DMWD: variants seen among roughly 807,000 people sequenced by gnomAD.
DMWD encodes DM1 locus, WD repeat containing.
In DMWD, 19 loss-of-function variants were observed where a neutral mutation model predicts 45.8. The ratio of observed to expected loss-of-function variants is 0.41; its 90% confidence interval spans 0.29 to 0.61. DMWD has a LOEUF of 0.61. Ranked by LOEUF, DMWD falls within the 20% of genes least tolerant of loss-of-function variation. The pLI is 0.25. For synonymous variants in DMWD, 515 were observed against 440.5 expected (o/e 1.17, Z -2.12); for missense variants, 802 against 965.2 (o/e 0.83, Z 2.24).
chr19:45,784,700 TCTC>T lies in DMWD; in HGVS notation c.1915_1917del (p.Glu639del). The T allele has an allele frequency of 2.5e-6, 4 of 1,613,618 alleles. No homozygotes were observed. In the South Asian group the frequency reaches 3.3e-5, roughly 13 times the overall value. Reference sequence around the variant, plus strand: ...CTTCCTTCCCCTGTCTGGGCCTCGGTCTCCTCGTCTGTGAACTACGGAGACAGA... The same window carrying T: ...CTTCCTTCCCCTGTCTGGGCCTCGGTCTCGTCTGTGAACTACGGAGACAGA... On this transcript the variant is annotated inframe_deletion, in exon 4 of 5. Coordinates refer to ENST00000270223, the MANE Select transcript of DMWD (RefSeq NM_004943.2).
In DMWD at chr19:45,786,421, G is replaced by A. The variant is rs755365606; in HGVS notation, c.1075C>T (p.Arg359Cys). The change falls in exon 3 of 5, where the codon CGC (arginine) becomes TGC (cysteine). Residue 359 changes from arginine to cysteine, a missense_variant. Coordinates refer to ENST00000270223, the MANE Select transcript of DMWD (RefSeq NM_004943.2). ...LVTVWSFTEGRVVARGHGHKS... is the reference protein window; with the variant it reads ...LVTVWSFTEGCVVARGHGHKS... ...TGGCCATGGCCTCGAGCCACCACGC[G>A]GCCCTCGGTGAAGGACCACACGGTG... The A allele has an allele frequency of 6.8e-6, 11 of 1,613,356 alleles. No homozygotes were observed. Among genetic ancestry groups the A allele is most frequent in the Admixed American group, 5.0e-5 (3 of 60,018 alleles).
At chr19:45,785,394 C>G (rs1223053622) in intron 3 of DMWD, 200 bp downstream of exon 3, 2 of 1,255,522 alleles carry the variant, frequency 1.6e-6, no homozygotes. Flanking sequence ...CCTCTTTCTG[C>G]TGCCTGCTGC....
intron 3 of DMWD, 68 bp from the exon 4 acceptor site, chr19:45,784,783 G>A: frequency 6.3e-7 from 1 of 1,576,438 alleles, no homozygotes; most frequent in Non-Finnish European, 8.6e-7. Flanking sequence ...TCTTGCCTCT[G>A]AGTCACTCAG....
chr19:45,783,563 G>GTT lies in DMWD; in HGVS notation c.*679_*680insAA, dbSNP rs1970214105. 7.5e-6 allele frequency: 3 copies of GTT among 398,796 alleles called. No individual in the cohort carries two copies. Among genetic ancestry groups the GTT allele is most frequent in the African/African-American group, 6.2e-5 (3 of 48,738 alleles). The allele number at this position is 398,796 out of a possible 1,614,324, so 24.7% of individuals were successfully genotyped here. ...TGGGTCACCAGTTGTGTGACTCGCAGGTCCGTTCCCTCCCTGGGCTCCGGC... is the reference window on the plus strand; with the variant it reads ...TGGGTCACCAGTTGTGTGACTCGCAGTTGTCCGTTCCCTCCCTGGGCTCCGGC... On this transcript the variant is annotated 3_prime_UTR_variant, in exon 5 of 5. Coordinates refer to ENST00000270223, the MANE Select transcript of DMWD (RefSeq NM_004943.2).
At position 45,784,238 on chromosome 19, in the gene DMWD, T is replaced by C. The variant is rs201600475; in HGVS notation, c.*5A>G. 4.5e-6 allele frequency: 7 copies of C among 1,555,980 alleles called. No individual in the cohort carries two copies. The highest frequency in any genetic ancestry group is 2.0e-5 in the Admixed American group (1 of 50,252). On this transcript the variant is annotated 3_prime_UTR_variant, in exon 5 of 5. Transcript: ENST00000270223. ...TGGGGTTGGGGGGGCCCGATATCCA[T>C]GGCTTCACACCACTGTGCCACTCGG...
intron 1 of DMWD, 147 bp downstream of exon 1, chr19:45,792,169 T>G: frequency 7.4e-7 from 1 of 1,350,544 alleles, no homozygotes; most frequent in Non-Finnish European, 9.6e-7. Context: ...CAGAATCCTG[T>G]ACTCCCTCCA....
At chr19:45,788,028 G>A (rs375890319) in intron 2 of DMWD, among the ~76,000 whole-genome samples, 1 of 152,230 alleles carries the variant, frequency 6.6e-6, no homozygotes, top group East Asian at 1.9e-4. Flanking sequence ...AGTGAGGGGA[G>A]ATCATGCCAC....
intron 2 of DMWD, chr19:45,787,214 G>A (rs982739491): frequency 1.1e-5 from 4 of 360,788 alleles, no homozygotes; most frequent in African/African-American, 2.1e-5. Flanking sequence ...GTAGTGGTCC[G>A]TGGCCTGTTA....
At chr19:45,791,826 C>T (rs1433607102) in intron 1 of DMWD, among the ~76,000 whole-genome samples, 2 of 152,108 alleles carry the variant, frequency 1.3e-5, no homozygotes, top group Non-Finnish European at 2.9e-5. Context: ...TCTAGAATCC[C>T]ATTCAGCTTC....
chr19:45,792,272 T>G (rs1179032917), intron 1 of DMWD, 44 bp downstream of exon 1: 1 of 1,583,186 alleles, frequency 6.3e-7, no homozygotes, highest in Non-Finnish European at 8.6e-7. Context: ...CTCTGGAACC[T>G]CCATCCTTTC....
Position 45,786,728 on chromosome 19 carries a change from C to T in DMWD, c.768G>A (p.Leu256=). Residue 256 remains leucine, a synonymous_variant, in exon 3 of 5, where the codon CTG becomes CTA. Coordinates refer to ENST00000270223, the MANE Select transcript of DMWD (RefSeq NM_004943.2). The stretch of plus-strand genomic sequence containing the variant: ...CAGAGAAGCCCTCGCCCTGCTTCAG[C>T]AGGCTGTACTGGGGCGGGGCCGAGG... The part of the protein sequence containing the change: ...PCASAPPQYS[L]LKQGEGFSVY... The T allele has an allele frequency of 6.2e-7, 1 of 1,613,406 alleles. No homozygotes were observed.
At position 45,792,388 on chromosome 19, in the gene DMWD, T is replaced by G; in HGVS notation, c.369A>C (p.Gly123=). 6.3e-7 allele frequency: 1 copy of G among 1,597,882 alleles called. No individual in the cohort carries two copies. The highest frequency in any genetic ancestry group is 1.4e-5 in the African/African-American group (1 of 72,914). The part of the protein sequence containing the change: ...PATPAGLGSG[G]DRVCFNLGRE... Reference sequence around the variant, plus strand: ...GGCCCAAGTTGAAGCAGACGCGGTCTCCCCCCGAGCCCAGCCCCGCGGGCG... The same window carrying G: ...GGCCCAAGTTGAAGCAGACGCGGTCGCCCCCCGAGCCCAGCCCCGCGGGCG... Residue 123 remains glycine, a synonymous_variant, in exon 1 of 5, where the codon GGA becomes GGC. Transcript: ENST00000270223.
chr19:45,784,136 A>T lies in DMWD; in HGVS notation c.*107T>A. The stretch of plus-strand genomic sequence containing the variant: ...GCAGGTGGGGGGACTGGAGCAGTCC[A>T]TCCATCATGGTTAGTCTTGTTAATA... On this transcript the variant is annotated 3_prime_UTR_variant, in exon 5 of 5. Coordinates refer to ENST00000270223, the MANE Select transcript of DMWD (RefSeq NM_004943.2). 1 of 1,031,266 alleles carries T rather than the reference A, an allele frequency of 9.7e-7. No individual in the cohort carries two copies. Among genetic ancestry groups the T allele is most frequent in the Non-Finnish European group, 1.5e-6 (1 of 668,710 alleles). 63.9% of individuals were successfully genotyped at this position (1,031,266 alleles called of 1,614,324 possible). A position where few individuals can be genotyped will look rare whatever the true frequency, so the allele number is the denominator to read the frequency against.
At chr19:45,785,218 C>T in intron 3 of DMWD, 1 of 1,033,058 alleles carries the variant, frequency 9.7e-7, no homozygotes, top group Non-Finnish European at 1.2e-6. Flanking sequence ...CTAGTTTTGG[C>T]CTGAAGTACT....
At chr19:45,787,250 G>A (rs1390932909) in intron 2 of DMWD, 1 of 299,054 alleles carries the variant, frequency 3.3e-6, no homozygotes, top group African/African-American at 2.2e-5. Flanking sequence ...AGCAGGAGGT[G>A]AGTGGTGGGC....
intron 2 of DMWD, among the ~76,000 whole-genome samples, chr19:45,787,632 A>G (rs888247032): frequency 6.6e-6 from 1 of 152,252 alleles, no homozygotes; most frequent in African/African-American, 2.4e-5. Context: ...CAGTGCACAC[A>G]GGAGGCAGCT....
Position 45,786,453 on chromosome 19 carries a change from T to A in DMWD, c.1043A>T (p.Asp348Val). 1 of 1,612,996 alleles carries A rather than the reference T, an allele frequency of 6.2e-7. No individual in the cohort carries two copies. Among genetic ancestry groups the A allele is most frequent in the Non-Finnish European group, 8.5e-7 (1 of 1,179,258 alleles). The change falls in exon 3 of 5, where the codon GAC becomes GTC. Residue 348 changes from aspartate to valine, a missense_variant. By Grantham distance (152) the Asp-to-Val change is radical. This residue lies in a region of DMWD where 146 missense variants were observed against 212.8 expected (regional missense o/e 0.69). Transcript: ENST00000270223. ...GRYVVTGGED[D>V]LVTVWSFTEG... ...GGTGAAGGACCACACGGTGACCAGGTCATCTTCGCCACCCGTCACCACGTA... is the reference window on the plus strand; with the variant it reads ...GGTGAAGGACCACACGGTGACCAGGACATCTTCGCCACCCGTCACCACGTA...
chr19:45,783,743 A>G lies in DMWD; in HGVS notation c.*500T>C, dbSNP rs1429978774. The G allele has an allele frequency of 2.2e-6, 1 of 446,588 alleles. No individual in the cohort carries two copies. Among genetic ancestry groups the G allele is most frequent in the Admixed American group, 4.4e-5 (1 of 22,962 alleles). 27.7% of individuals were successfully genotyped at this position (446,588 alleles called of 1,614,324 possible). On this transcript the variant is annotated 3_prime_UTR_variant, in exon 5 of 5. Transcript: ENST00000270223. ...GGACAGACCCGCTGAGAAAACAGGGAACTTTAGTATAAATAAGAGGTCCTG... is the reference window on the plus strand; with the variant it reads ...GGACAGACCCGCTGAGAAAACAGGGGACTTTAGTATAAATAAGAGGTCCTG...
At chr19:45,792,290 AG>A in intron 1 of DMWD, 25 bp downstream of exon 1, 1 of 1,595,958 alleles carries the variant, frequency 6.3e-7, no homozygotes. Flanking sequence ...TTCAGCACCC[AG>A]GGCCCCACGA....
Sources: gnomAD v4.1 joint callset for allele counts (sites outside exome capture counted in the v4.1 genomes callset) on GRCh38, gnomAD v4.1.1 for gene constraint, gnomAD v4.1.1 regional missense constraint, MANE v1.5 for transcripts, NCBI Gene and HGNC (gene_info 2026-07-23, HGNC 2026-07-21) for gene names.